The following CDH18 variants were observed in gnomAD, a reference collection of about 807,000 sequenced individuals.
CDH18 encodes the protein cadherin 18.
Under a neutral mutation model 67.9 loss-of-function variants are expected in CDH18, and 31 were observed. The ratio of observed to expected loss-of-function variants is 0.46; its 90% CI spans 0.34 to 0.62. The LOEUF (loss-of-function observed/expected upper bound fraction) is 0.62, where lower values mean the gene tolerates loss of function less well. Among genes scored for constraint, CDH18 ranks in the 20% least tolerant of loss-of-function variants. CDH18 has a pLI of 0.01. For synonymous variants in CDH18, 362 were observed against 347.2 expected, an observed-to-expected ratio of 1.04 and a Z score of -0.48; for missense variants, 890 against 975.5, an observed-to-expected ratio of 0.91 and a Z score of 1.17.
chr5:19,880,376 T>C (rs960787106), intron 2 of CDH18, among the ~76,000 whole-genome samples: 4 of 152,052 alleles, frequency 2.6e-5, no homozygotes, highest in African/African-American at 9.7e-5. Flanking sequence ...ATCGAGTAAT[T>C]TTAAACAAGA....
intron 2 of CDH18, among the ~76,000 whole-genome samples, chr5:20,030,247 A>G (rs993607284): frequency 6.6e-6 from 1 of 152,172 alleles, no homozygotes; most frequent in Non-Finnish European, 1.5e-5. Context: ...CTTTTTCAAA[A>G]GGACTCTGAA....
chr5:19,636,156 A>C (rs1277662601), intron 5 of CDH18, among the ~76,000 whole-genome samples: 1 of 152,108 alleles, frequency 6.6e-6, no homozygotes, highest in Non-Finnish European at 1.5e-5. Flanking sequence ...AGGACTATAA[A>C]CTAAATTTGC....
intron 2 of CDH18, among the ~76,000 whole-genome samples, chr5:20,036,397 T>C (rs1445136798): frequency 6.6e-6 from 1 of 151,822 alleles, no homozygotes; most frequent in Non-Finnish European, 1.5e-5. Flanking sequence ...AAGATGATAC[T>C]TAAAAAGAAG....
At chr5:20,280,942 A>G (rs1027380507) in intron 1 of CDH18, among the ~76,000 whole-genome samples, 1 of 152,074 alleles carries the variant, frequency 6.6e-6, no homozygotes, top group African/African-American at 2.4e-5. Context: ...TTTGATTTGC[A>G]TTTCTCTGAT....
At chr5:20,533,218 G>A (rs1487086677) in intron 1 of CDH18, among the ~76,000 whole-genome samples, 1 of 152,040 alleles carries the variant, frequency 6.6e-6, no homozygotes, top group Non-Finnish European at 1.5e-5. Context: ...GAGGCACAGA[G>A]CAGATACTTT....
intron 1 of CDH18, among the ~76,000 whole-genome samples, chr5:20,436,767 T>C (rs1749196561): frequency 6.6e-6 from 1 of 151,252 alleles, no homozygotes; most frequent in Admixed American, 6.6e-5. Context: ...CACCATATTT[T>C]ATTTTGGTGG....
chr5:20,561,016 A>G (rs1183875199), intron 1 of CDH18, among the ~76,000 whole-genome samples: 2 of 152,126 alleles, frequency 1.3e-5, no homozygotes, highest in Non-Finnish European at 2.9e-5. Flanking sequence ...AATGTTCCAT[A>G]TCATATATCA....
At chr5:19,574,762 G>A (rs966700403) in intron 7 of CDH18, among the ~76,000 whole-genome samples, 1 of 151,952 alleles carries the variant, frequency 6.6e-6, no homozygotes, top group African/African-American at 2.4e-5. Context: ...AAAATCCCAG[G>A]TGAGGCACGG....
At chr5:20,555,455 TTTC>T (rs1757855027) in intron 1 of CDH18, among the ~76,000 whole-genome samples, 1 of 132,314 alleles carries the variant, frequency 7.6e-6, no homozygotes, top group African/African-American at 3.1e-5. Context: ...TTTTTTCTTT[TTTC>T]TTTGAGACAG....
intron 2 of CDH18, among the ~76,000 whole-genome samples, chr5:19,943,262 G>A (rs910623066): frequency 6.6e-6 from 1 of 152,092 alleles, no homozygotes; most frequent in Non-Finnish European, 1.5e-5. Context: ...TACAGTTGCT[G>A]TATGGTGAAG....
At chr5:19,633,269 A>C (rs1358509043) in intron 5 of CDH18, among the ~76,000 whole-genome samples, 1 of 152,156 alleles carries the variant, frequency 6.6e-6, no homozygotes, top group Non-Finnish European at 1.5e-5. Context: ...TATTTCTCCC[A>C]ATTGCATTTT....
intron 3 of CDH18, among the ~76,000 whole-genome samples, chr5:19,824,303 C>T (rs77537217): frequency 0.01 from 1,556 of 152,216 alleles, 24 homozygotes; most frequent in African/African-American, 0.035. Context: ...CCCATCAAGG[C>T]AGCAAAGTGA....
Position 20,548,358 on chromosome 5 carries a change from T to C in CDH18, c.-580+27104A>G, listed in dbSNP as rs566847341. Among the ~76,000 whole-genome samples the C allele has an allele frequency of 2.6e-5, 4 of 152,112 alleles. No homozygotes were observed. In the South Asian group the frequency reaches 8.3e-4, roughly 32 times the overall value. ...ATACCGACATTTTATTGTATGTGTA[T>C]ATGTGTTCATAAAATATGTCCCTGG... On this transcript the variant is annotated intron_variant, in intron 1 of 14. Coordinates refer to the CDH18 transcript ENST00000507958.
chr5:20,259,164 A>C (rs1744461787), intron 1 of CDH18, among the ~76,000 whole-genome samples: 1 of 152,064 alleles, frequency 6.6e-6, no homozygotes, highest in Admixed American at 6.6e-5. Context: ...CCCCTCAACC[A>C]ATTGTTAGAA....
intron 1 of CDH18, among the ~76,000 whole-genome samples, chr5:20,333,105 G>T (rs1348645585): frequency 6.6e-6 from 1 of 152,058 alleles, no homozygotes; most frequent in African/African-American, 2.4e-5. Flanking sequence ...AGGACCTGCT[G>T]TACCTCTATA....
chr5:20,082,142 A>AG lies in CDH18; in HGVS notation c.-517-90129_-517-90128insC, dbSNP rs563516521. ...TCTCCAACCGATGCATTCAAAAAAA[A>AG]AAAGCAAACCTGTGATATTAATCCT... On this transcript the variant is annotated intron_variant, in intron 2 of 14. Coordinates refer to the CDH18 transcript ENST00000507958. 2.2e-3 allele frequency among the ~76,000 whole-genome samples: 332 copies of AG among 152,276 alleles called. 1 individual carries two copies. The highest frequency in any genetic ancestry group is 7.5e-3 in the African/African-American group (312 of 41,576).
chr5:20,573,397 C>G (rs1758918089), intron 1 of CDH18, among the ~76,000 whole-genome samples: 1 of 151,188 alleles, frequency 6.6e-6, no homozygotes, highest in Non-Finnish European at 1.5e-5. Context: ...AAATAAGTAC[C>G]AGGAGGACAC....
intron 2 of CDH18, among the ~76,000 whole-genome samples, chr5:19,969,182 A>T (rs1445431685): frequency 9.0e-4 from 134 of 148,072 alleles, no homozygotes; most frequent in African/African-American, 3.4e-3. Context: ...ATCATTAAAA[A>T]ATCAGGAAAG....
At chr5:20,464,647 T>G (rs1751512004) in intron 1 of CDH18, among the ~76,000 whole-genome samples, 1 of 152,138 alleles carries the variant, frequency 6.6e-6, no homozygotes, top group African/African-American at 2.4e-5. Flanking sequence ...ATTCTTGCAT[T>G]TTAAAGTACT....
Sources: gnomAD v4.1 joint callset for allele counts (sites outside exome capture counted in the v4.1 genomes callset) on GRCh38, gnomAD v4.1.1 for gene constraint, MANE v1.5 for transcripts, NCBI Gene and HGNC (gene_info 2026-07-23, HGNC 2026-07-21) for gene names.